Variants in PSMG2 observed in about 807,000 individuals in gnomAD.
PSMG2 encodes proteasome assembly chaperone 2, also known as CD40 ligand-activated specific transcript 3.
A neutral mutation model predicts 31.5 loss-of-function variants in PSMG2; 21 were observed. The observed-to-expected ratio is 0.67, with a 90% CI of 0.47 to 0.96. The LOEUF is 0.96. Among genes scored for constraint, PSMG2 ranks in the 40% least tolerant of loss-of-function variants. The probability of loss-of-function intolerance (pLI) is 0.00; values close to 1 mark genes in which losing one functional copy is unlikely to be tolerated. For synonymous variants in PSMG2, 120 were observed against 110.4 expected (o/e 1.09, Z -0.54); for missense variants, 318 against 321.2 (o/e 0.99, Z 0.08).
chr18:12,704,603 T>A (rs564472058), intron 1 of PSMG2, among the ~76,000 whole-genome samples: 4 of 152,202 alleles, frequency 2.6e-5, no homozygotes, highest in African/African-American at 4.8e-5. Context: ...AACTTTTTTT[T>A]AATAAGAGAT....
chr18:12,709,572 C>T (rs1414598622), intron 2 of PSMG2, among the ~76,000 whole-genome samples: 1 of 151,282 alleles, frequency 6.6e-6, no homozygotes, highest in Non-Finnish European at 1.5e-5. Flanking sequence ...GATTTTGGTT[C>T]ACTGCAACCT....
intron 1 of PSMG2, among the ~76,000 whole-genome samples, chr18:12,679,718 C>G (rs927628530): frequency 2.0e-5 from 3 of 152,134 alleles, no homozygotes; most frequent in African/African-American, 7.2e-5. Flanking sequence ...AAAAAGAAAT[C>G]ATCATTTACA....
chr18:12,675,373 G>T (rs1414097939), intron 1 of PSMG2, among the ~76,000 whole-genome samples: 1 of 151,974 alleles, frequency 6.6e-6, no homozygotes, highest in Non-Finnish European at 1.5e-5. Flanking sequence ...TCCAGCCTGG[G>T]CAACAGAGCG....
At chr18:12,703,194 G>T in intron 1 of PSMG2, 30 bp downstream of exon 1, 1 of 1,583,392 alleles carries the variant, frequency 6.3e-7, no homozygotes, top group Middle Eastern at 1.7e-4. Context: ...CGGGGCTGCC[G>T]CCTCCCGAGG....
upstream of PSMG2, among the ~76,000 whole-genome samples, chr18:12,702,272 A>G (rs949783936): frequency 6.6e-6 from 1 of 151,574 alleles, no homozygotes. Context: ...ATCGCCCCAG[A>G]CTCTTGCTAG....
At chr18:12,699,258 G>C, upstream of PSMG2, 1 of 1,207,272 alleles carries the variant, frequency 8.3e-7, no homozygotes, top group Non-Finnish European at 1.2e-6. Context: ...AAAAGAATGT[G>C]ATCAAGACAT....
chr18:12,664,549 C>CA lies in PSMG2; in HGVS notation c.-37+5784dup, dbSNP rs1412003104. On this transcript the variant is annotated intron_variant, in intron 1 of 6. Coordinates refer to the PSMG2 transcript ENST00000585331. ...TGGGTGACAGAGCGAGACTCCGTCT[C>CA]AAAAAAAACAAAATTTGTAGAGAAG... 3.0e-3 allele frequency among the ~76,000 whole-genome samples: 435 copies of CA among 147,014 alleles called. 3 individuals are homozygous for CA. Among genetic ancestry groups the CA allele is most frequent in the African/African-American group, 9.2e-3 (368 of 40,064 alleles).
At chr18:12,713,915 T>A (rs1013581408) in intron 3 of PSMG2, among the ~76,000 whole-genome samples, 1 of 152,044 alleles carries the variant, frequency 6.6e-6, no homozygotes, top group African/African-American at 2.4e-5. Flanking sequence ...CCACACTGGC[T>A]AATTTTTGTA....
At chr18:12,704,060 AACAC>A (rs1342141932) in intron 1 of PSMG2, among the ~76,000 whole-genome samples, 1 of 152,150 alleles carries the variant, frequency 6.6e-6, no homozygotes, top group East Asian at 1.9e-4. Context: ...TTACATATAA[AACAC>A]ACAGCCCCAG....
At position 12,706,511 on chromosome 18, in the gene PSMG2, A is replaced by G. The variant is rs768499942; in HGVS notation, c.58-39A>G. The G allele has an allele frequency of 4.4e-6, 7 of 1,601,978 alleles. No individual in the cohort carries two copies. The Admixed American group carries it at 6.8e-5, about 16-fold the overall frequency. ...CAAAAAATAAAATAAAGTGCTGCTA[A>G]TTTTGGTGACTTACTGAACATATCT... On this transcript the variant is annotated intron_variant, in intron 1 of 6. Transcript: ENST00000317615.
intron 1 of PSMG2, among the ~76,000 whole-genome samples, chr18:12,672,184 ACCT>A (rs1315146241): frequency 7.7e-6 from 1 of 129,058 alleles, no homozygotes; most frequent in African/African-American, 3.0e-5. Flanking sequence ...GCGCGATCTC[ACCT>A]CACTGCAACC....
intron 5 of PSMG2, among the ~76,000 whole-genome samples, chr18:12,721,622 T>C (rs2040431380): frequency 6.6e-6 from 1 of 152,142 alleles, no homozygotes; most frequent in Admixed American, 6.6e-5. Flanking sequence ...TTCTTTTTTT[T>C]CCTAGTCAAG....
chr18:12,674,494 G>T, intron 1 of PSMG2: 1 of 1,418,518 alleles, frequency 7.0e-7, no homozygotes, highest in Non-Finnish European at 9.9e-7. Context: ...TGATCTGTAA[G>T]ACTCCTAAAC....
chr18:12,708,696 C>T (rs150744988), intron 2 of PSMG2, among the ~76,000 whole-genome samples: 6 of 134,640 alleles, frequency 4.5e-5, no homozygotes, highest in African/African-American at 1.7e-4. Flanking sequence ...ATCTTTACAA[C>T]GTTCTTTTTT....
chr18:12,660,039 A>G (rs1170957753), intron 1 of PSMG2, among the ~76,000 whole-genome samples: 2 of 152,010 alleles, frequency 1.3e-5, no homozygotes. Flanking sequence ...CAACACTACC[A>G]CCTCCTGGCC....
intron 1 of PSMG2, chr18:12,695,331 C>T: frequency 6.5e-7 from 1 of 1,543,126 alleles, no homozygotes; most frequent in Non-Finnish European, 8.9e-7. Context: ...AAAATTCCCA[C>T]AGAAACTTTT....
At chr18:12,664,107 G>GC (rs1450092101) in intron 1 of PSMG2, among the ~76,000 whole-genome samples, 3 of 152,118 alleles carry the variant, frequency 2.0e-5, no homozygotes, top group Admixed American at 1.3e-4. Flanking sequence ...GGTGGTTGCG[G>GC]TGAGCCGAGA....
chr18:12,705,606 T>C (rs1054020431), intron 1 of PSMG2, among the ~76,000 whole-genome samples: 1 of 146,928 alleles, frequency 6.8e-6, no homozygotes. Context: ...TGTGTGTGTT[T>C]AGTGTGAAAA....
chr18:12,706,962 T>TTTA (rs1264932589), intron 2 of PSMG2, among the ~76,000 whole-genome samples: 1 of 152,096 alleles, frequency 6.6e-6, no homozygotes, highest in Non-Finnish European at 1.5e-5. Flanking sequence ...CTTTTTTTTT[T>TTTA]TTATTATTTT....
Sources: gnomAD v4.1 joint callset for allele counts (sites outside exome capture counted in the v4.1 genomes callset) on GRCh38, gnomAD v4.1.1 for gene constraint, MANE v1.5 for transcripts, NCBI Gene and HGNC (gene_info 2026-07-23, HGNC 2026-07-21) for gene names.